Variants in THBS4 observed in about 807,000 individuals in gnomAD.
The protein encoded by THBS4 is thrombospondin 4.
A neutral mutation model predicts 115.7 loss-of-function variants in THBS4; 90 were observed. The observed-to-expected ratio is 0.78, with a 90% CI of 0.66 to 0.93. THBS4 has a LOEUF of 0.93. THBS4 is among the 40% of genes least tolerant of loss of function. The pLI, the probability that THBS4 is intolerant of heterozygous loss-of-function variation, is 0.00. For missense variants in THBS4, 1,087 were observed against 1,232.7 expected (o/e 0.88, Z 1.77); for synonymous variants, 460 against 479.3 (o/e 0.96, Z 0.53).
chr5:80,010,976 A>G (rs1195203182), intron 2 of THBS4, among the ~76,000 whole-genome samples: 1 of 152,196 alleles, frequency 6.6e-6, no homozygotes, highest in Non-Finnish European at 1.5e-5. Flanking sequence ...AATAGCATTG[A>G]TATGGTTTGG....
chr5:80,012,479 G>C (rs1160757386), intron 2 of THBS4, among the ~76,000 whole-genome samples: 1 of 152,194 alleles, frequency 6.6e-6, no homozygotes, highest in Non-Finnish European at 1.5e-5. Flanking sequence ...CCCAAACAGA[G>C]GGAGTAGGAG....
At chr5:80,020,238 C>T (rs373385335) in intron 2 of THBS4, among the ~76,000 whole-genome samples, 16 of 152,098 alleles carry the variant, frequency 1.1e-4, no homozygotes, top group African/African-American at 1.4e-4. Flanking sequence ...CTTTGGGAGC[C>T]GAGACAGGTG....
At chr5:80,062,005 T>A (rs891001472) in intron 8 of THBS4, among the ~76,000 whole-genome samples, 173 bp downstream of exon 8, 1 of 152,184 alleles carries the variant, frequency 6.6e-6, no homozygotes, top group African/African-American at 2.4e-5. Flanking sequence ...AGTATTTACA[T>A]TTATAAAATC....
At chr5:80,050,962 G>A (rs544588614) in intron 2 of THBS4, among the ~76,000 whole-genome samples, 2 of 152,320 alleles carry the variant, frequency 1.3e-5, no homozygotes, top group African/African-American at 4.8e-5. Context: ...GTCGAGTCGG[G>A]AGGTGGGATG....
At chr5:80,011,417 A>G (rs548810516) in intron 2 of THBS4, among the ~76,000 whole-genome samples, 2 of 152,154 alleles carry the variant, frequency 1.3e-5, no homozygotes, top group Non-Finnish European at 2.9e-5. Flanking sequence ...TACAGTCTCT[A>G]GCTAGGAGGC....
In THBS4 at chr5:80,035,402, A is replaced by T; in HGVS notation, c.-136A>T. 2.5e-6 allele frequency: 1 copy of T among 402,348 alleles called. No individual in the cohort carries two copies. Among genetic ancestry groups the T allele is most frequent in the Non-Finnish European group, 3.9e-6 (1 of 259,256 alleles). The allele number at this position is 402,348 out of a possible 1,614,324, so 24.9% of individuals were successfully genotyped here. A position where few individuals can be genotyped will look rare whatever the true frequency, so the allele number is the denominator to read the frequency against. Reference sequence around the variant, plus strand: ...GGGACGCGAGCGCGCCCCCGACGGCAGCCCGGACGCCGAGCACGGGTCACC... The same window carrying T: ...GGGACGCGAGCGCGCCCCCGACGGCTGCCCGGACGCCGAGCACGGGTCACC... On this transcript the variant is annotated 5_prime_UTR_variant, in exon 1 of 22. Coordinates refer to ENST00000350881, the MANE Select transcript of THBS4 (RefSeq NM_003248.6). The surrounding 1 kb of genome is among the most constrained non-coding windows in gnomAD (Gnocchi z 4.6).
chr5:80,010,323 A>T (rs1048332086), intron 2 of THBS4, among the ~76,000 whole-genome samples: 3 of 152,244 alleles, frequency 2.0e-5, no homozygotes. Context: ...AGAGTGGCTC[A>T]AATGAGATCA....
Position 80,035,882 on chromosome 5 carries a change from T to C in THBS4, c.88+257T>C. ...AATTGTTTCAGACTATGCAAAGATG[T>C]GGGGTGGGGTTGCCTTCAAAACTTG... On this transcript the variant is annotated intron_variant, in intron 1 of 21. Transcript: ENST00000350881. The surrounding 1 kb of genome is among the most constrained non-coding windows in gnomAD (Gnocchi z 4.6). 24 of 708,382 alleles carry C rather than the reference T, an allele frequency of 3.4e-5. No individual in the cohort carries two copies. The highest frequency in any genetic ancestry group is 4.2e-5 in the Non-Finnish European group (22 of 523,664). 43.9% of individuals were successfully genotyped at this position (708,382 alleles called of 1,614,324 possible). A position where few individuals can be genotyped will look rare whatever the true frequency, so the allele number is the denominator to read the frequency against.
At chr5:80,043,155 GT>G (rs1832958809) in intron 2 of THBS4, among the ~76,000 whole-genome samples, 1 of 152,188 alleles carries the variant, frequency 6.6e-6, no homozygotes, top group African/African-American at 2.4e-5. Flanking sequence ...GATTTATGCT[GT>G]TATTAGAGCT....
rs1281749413 is a variant in THBS4, at chr5:80,024,689, A to G, written n.178-15388A>G. Among the ~76,000 whole-genome samples the G allele has an allele frequency of 9.9e-5, 15 of 152,224 alleles. No individual in the cohort carries two copies. In the East Asian group the frequency reaches 2.9e-3, roughly 29 times the overall value. ...GCTGGTGACCACAACCATTTTGGCA[A>G]TGGCTTTCTAAAAATACAGAGAAAA... On this transcript the variant is annotated intron_variant and non_coding_transcript_variant, in intron 2 of 3. Coordinates refer to the THBS4 transcript ENST00000510218.
At chr5:80,024,879 T>G (rs1331111183) in intron 2 of THBS4, among the ~76,000 whole-genome samples, 1 of 152,216 alleles carries the variant, frequency 6.6e-6, no homozygotes, top group Non-Finnish European at 1.5e-5. Flanking sequence ...CCTAAGGCAG[T>G]GCAGGCAAGT....
In THBS4 at chr5:80,059,685, A is replaced by G. The variant is rs781077526; in HGVS notation, c.785-18A>G. 6.2e-7 allele frequency: 1 copy of G among 1,612,946 alleles called. No homozygotes were observed. The highest frequency in any genetic ancestry group is 8.5e-7 in the Non-Finnish European group (1 of 1,179,058). Reference sequence around the variant, plus strand: ...TTCCTGGCGGTGAATACGCCTGTGGATGATTGTTTTTCTCTAGGTCCTCTC... The same window carrying G: ...TTCCTGGCGGTGAATACGCCTGTGGGTGATTGTTTTTCTCTAGGTCCTCTC... On this transcript the variant is annotated intron_variant, in intron 6 of 21. Coordinates refer to ENST00000350881, the MANE Select transcript of THBS4 (RefSeq NM_003248.6).
At chr5:80,031,312 T>C (rs762610795), upstream of THBS4, among the ~76,000 whole-genome samples, 5 of 152,194 alleles carry the variant, frequency 3.3e-5, no homozygotes, top group Non-Finnish European at 7.3e-5. Context: ...ACCTAGGCAT[T>C]CTTATCAGTT....
chr5:80,068,110 G>C lies in THBS4; in HGVS notation c.1332G>C (p.Gly444=). ...VNAQCIEERQ[G]DVTCVCGVGW... ...CCCAGTGCATTGAAGAGAGGCAGGG[G>C]GATGTGACATGTGTGGTAAGTTGTT... The change falls in exon 10 of 22, where the codon GGG becomes GGC. Residue 444 remains glycine (G), a synonymous_variant. Transcript: ENST00000350881. 6.2e-7 allele frequency: 1 copy of C among 1,613,870 alleles called. No individual in the cohort carries two copies. The highest frequency in any genetic ancestry group is 8.5e-7 in the Non-Finnish European group (1 of 1,179,962).
chr5:80,082,922 T>G (rs1321790076), intron 21 of THBS4, among the ~76,000 whole-genome samples, 158 bp from the exon 22 acceptor site: 1 of 152,238 alleles, frequency 6.6e-6, no homozygotes. Context: ...GCCAACGGTT[T>G]GCAAAGCAGC....
At chr5:80,059,623 A>C in intron 6 of THBS4, 80 bp from the exon 7 acceptor site, 1 of 1,598,822 alleles carries the variant, frequency 6.3e-7, no homozygotes, top group Non-Finnish European at 8.6e-7. Flanking sequence ...GGAAAAGTTC[A>C]ATAGGAAACC....
At chr5:80,016,812 G>A (rs1375404804) in intron 2 of THBS4, among the ~76,000 whole-genome samples, 3 of 152,096 alleles carry the variant, frequency 2.0e-5, no homozygotes, top group African/African-American at 4.8e-5. Flanking sequence ...AAATTCCAAC[G>A]TTTGATGAAC....
At chr5:80,024,631 T>C (rs904373110) in intron 2 of THBS4, among the ~76,000 whole-genome samples, 1 of 152,182 alleles carries the variant, frequency 6.6e-6, no homozygotes, top group Non-Finnish European at 1.5e-5. Context: ...TTATGATTCC[T>C]TCACGGGACA....
intron 2 of THBS4, among the ~76,000 whole-genome samples, chr5:80,045,033 A>G (rs1193870939): frequency 6.6e-6 from 1 of 152,174 alleles, no homozygotes; most frequent in Non-Finnish European, 1.5e-5. Context: ...TAAAATGGGG[A>G]TAATAATAGC....
Sources: gnomAD v4.1 joint callset for allele counts (sites outside exome capture counted in the v4.1 genomes callset) on GRCh38, gnomAD v4.1.1 for gene constraint, Gnocchi (gnomAD v3.1) non-coding constraint, MANE v1.5 for transcripts, NCBI Gene and HGNC (gene_info 2026-07-23, HGNC 2026-07-21) for gene names.